The following DCT variants were observed in gnomAD, a reference collection of about 807,000 sequenced individuals.
DCT encodes L-dopachrome tautomerase.
A neutral mutation model predicts 53.0 loss-of-function variants in DCT; 47 were observed. That is an observed-to-expected ratio of 0.89 (90% CI 0.70 to 1.13). The LOEUF (loss-of-function observed/expected upper bound fraction) is 1.13. Ranked by LOEUF, DCT falls within the 50% of genes most tolerant of loss-of-function variation. The pLI, the probability that DCT is intolerant of heterozygous loss-of-function variation, is 0.00. For synonymous variants in DCT, 244 were observed against 237.0 expected (o/e 1.03, Z -0.27); for missense variants, 669 against 637.4 (o/e 1.05, Z -0.53).
At chr13:94,545,910 T>C in the DCT span, among the ~76,000 whole-genome samples, 2 of 152,002 alleles carry the variant, frequency 1.3e-5, no homozygotes, top group Non-Finnish European at 2.9e-5. Context: ...CTCACACTTC[T>C]AATGACACAG....
At chr13:94,536,466 G>A in the DCT span, among the ~76,000 whole-genome samples, 1 of 152,170 alleles carries the variant, frequency 6.6e-6, no homozygotes, top group Non-Finnish European at 1.5e-5. Flanking sequence ...GGTGGGAGGT[G>A]TTTGGGTCTT....
chr13:94,537,786 C>A, the DCT span, among the ~76,000 whole-genome samples: 1 of 152,102 alleles, frequency 6.6e-6, no homozygotes, highest in Non-Finnish European at 1.5e-5. Context: ...TGGCACTTGG[C>A]TAGGTGACAT....
chr13:94,541,311 C>G, the DCT span, among the ~76,000 whole-genome samples: 1 of 152,016 alleles, frequency 6.6e-6, no homozygotes, highest in African/African-American at 2.4e-5. Flanking sequence ...CAAGACCAGC[C>G]TGGCCAACAT....
At chr13:94,484,872 G>A in the DCT span, among the ~76,000 whole-genome samples, 3 of 152,156 alleles carry the variant, frequency 2.0e-5, no homozygotes, top group Non-Finnish European at 2.9e-5. Flanking sequence ...TTTTGGGGAG[G>A]ATGCAGTTCA....
intron 1 of DCT, among the ~76,000 whole-genome samples, chr13:94,472,214 C>A (rs1336705555): frequency 6.6e-6 from 1 of 151,802 alleles, no homozygotes. Context: ...AAATAATTGG[C>A]TCTCTCATGT....
the DCT span, among the ~76,000 whole-genome samples, chr13:94,510,557 G>C: frequency 6.6e-6 from 1 of 152,088 alleles, no homozygotes; most frequent in South Asian, 2.1e-4. Flanking sequence ...GGATGTAGTG[G>C]GTTAAATATA....
the DCT span, among the ~76,000 whole-genome samples, chr13:94,491,637 T>C: frequency 1.3e-5 from 2 of 152,154 alleles, no homozygotes; most frequent in Non-Finnish European, 2.9e-5. Flanking sequence ...CCTCAAACTT[T>C]TGGGATTAGA....
chr13:94,494,394 C>CCTAG, the DCT span, among the ~76,000 whole-genome samples: 1 of 152,138 alleles, frequency 6.6e-6, no homozygotes, highest in Admixed American at 6.5e-5. Context: ...ACTGATTTCA[C>CCTAG]TAGGGGTTCT....
the DCT span, among the ~76,000 whole-genome samples, chr13:94,548,080 C>T: frequency 6.7e-6 from 1 of 149,766 alleles, no homozygotes; most frequent in Non-Finnish European, 1.5e-5. Flanking sequence ...TTCCCTCATA[C>T]AAGTACCTGT....
At chr13:94,538,951 T>A in the DCT span, among the ~76,000 whole-genome samples, 3 of 152,140 alleles carry the variant, frequency 2.0e-5, no homozygotes, top group Non-Finnish European at 2.9e-5. Context: ...TACTCTAGCT[T>A]CTAGGGGTTA....
the DCT span, among the ~76,000 whole-genome samples, chr13:94,527,741 T>C: frequency 5.9e-5 from 9 of 152,188 alleles, no homozygotes; most frequent in Non-Finnish European, 1.3e-4. Context: ...CTCCAAAGGA[T>C]TGCAGCTCCT....
At chr13:94,481,506 C>T (rs566426489), upstream of DCT, among the ~76,000 whole-genome samples, 69 of 152,268 alleles carry the variant, frequency 4.5e-4, 1 homozygote, top group South Asian at 0.012. Flanking sequence ...CTTGGGGCTC[C>T]ATAAATGTTA....
intron 1 of DCT, among the ~76,000 whole-genome samples, chr13:94,478,303 G>A (rs529089712): frequency 6.6e-6 from 1 of 152,128 alleles, no homozygotes; most frequent in South Asian, 2.1e-4. Flanking sequence ...CCAACATGGT[G>A]AAACCCCGTC....
Position 94,479,350 on chromosome 13 carries a change from C to A in DCT, c.-95G>T. ...TTCTACTCTTTCAGTCTTTTCTTTTCAGTATTTTTTATTTTTCTTTGCTTT... is the reference window on the plus strand; with the variant it reads ...TTCTACTCTTTCAGTCTTTTCTTTTAAGTATTTTTTATTTTTCTTTGCTTT... On this transcript the variant is annotated 5_prime_UTR_variant, in exon 1 of 8. Coordinates refer to ENST00000377028, the MANE Select transcript of DCT (RefSeq NM_001922.5). 1 of 1,171,482 alleles carries A rather than the reference C, an allele frequency of 8.5e-7. No homozygotes were observed. Among genetic ancestry groups the A allele is most frequent in the Non-Finnish European group, 1.2e-6 (1 of 849,198 alleles). The allele number at this position is 1,171,482 out of a possible 1,614,324, so 72.6% of individuals were successfully genotyped here.
chr13:94,531,129 C>T, the DCT span, among the ~76,000 whole-genome samples: 8 of 151,918 alleles, frequency 5.3e-5, no homozygotes, highest in East Asian at 1.2e-3. Context: ...CACTGTTCAA[C>T]GAAATAAAAG....
chr13:94,467,592 T>C (rs1884308906), intron 2 of DCT: 1 of 152,192 alleles, frequency 6.6e-6, no homozygotes, highest in African/African-American at 2.4e-5. Context: ...GACAGACAGA[T>C]GCTTACCTGT....
the DCT span, among the ~76,000 whole-genome samples, chr13:94,491,234 G>A: frequency 6.6e-6 from 1 of 152,164 alleles, no homozygotes; most frequent in Admixed American, 6.5e-5. Context: ...TGTCAGCAGA[G>A]CCATGCTCCC....
At chr13:94,450,748 C>A (rs117663971) in intron 6 of DCT, among the ~76,000 whole-genome samples, 1 of 152,088 alleles carries the variant, frequency 6.6e-6, no homozygotes, top group African/African-American at 2.4e-5. Context: ...GTTGACATTA[C>A]GGATTGGAGA....
the DCT span, among the ~76,000 whole-genome samples, chr13:94,508,134 T>C: frequency 6.6e-6 from 1 of 152,364 alleles, no homozygotes; most frequent in South Asian, 2.1e-4. Flanking sequence ...ATGTATTACG[T>C]TGGTGGTAGA....
Sources: allele counts gnomAD v4.1 joint callset (sites outside exome capture counted in the v4.1 genomes callset), GRCh38; gene constraint gnomAD v4.1.1; transcripts MANE v1.5; gene names NCBI Gene and HGNC (gene_info 2026-07-23, HGNC 2026-07-21).